Variants in LDB2 observed in about 807,000 individuals in gnomAD.
LDB2 encodes the protein LIM domain-binding protein 2.
Under a neutral mutation model 44.3 loss-of-function variants are expected in LDB2, and 12 were observed. That is an observed-to-expected ratio of 0.27 (90% CI 0.17 to 0.44). The LOEUF (loss-of-function observed/expected upper bound fraction) is 0.44. Ranked by LOEUF, LDB2 falls within the 20% of genes least tolerant of loss-of-function variation. The pLI, the probability that LDB2 is intolerant of heterozygous loss-of-function variation, is 1.00. For synonymous variants in LDB2, 164 were observed against 174.8 expected (o/e 0.94, Z 0.49); for missense variants, 344 against 473.5 (o/e 0.73, Z 2.54).
chr4:16,894,635 C>T (rs910973873), intron 1 of LDB2, among the ~76,000 whole-genome samples: 5 of 152,064 alleles, frequency 3.3e-5, no homozygotes, highest in African/African-American at 1.2e-4. Context: ...GAGATGAACA[C>T]TTTAGGGAGA....
At chr4:16,711,153 G>A (rs1483064392) in intron 2 of LDB2, among the ~76,000 whole-genome samples, 1 of 152,216 alleles carries the variant, frequency 6.6e-6, no homozygotes. Flanking sequence ...TACAGCAAAA[G>A]TACTTCTAGG....
chr4:16,588,435 G>A (rs757656334), intron 4 of LDB2, among the ~76,000 whole-genome samples: 3 of 152,090 alleles, frequency 2.0e-5, no homozygotes, highest in Non-Finnish European at 4.4e-5. Context: ...TTTAAGAAAA[G>A]TACAAACTGT....
intron 2 of LDB2, among the ~76,000 whole-genome samples, chr4:16,653,228 C>T (rs1360991407): frequency 6.6e-6 from 1 of 152,124 alleles, no homozygotes; most frequent in African/African-American, 2.4e-5. Context: ...TCCTGACTTG[C>T]ACCCTCTTTT....
intron 2 of LDB2, among the ~76,000 whole-genome samples, chr4:16,694,590 C>G (rs1751652062): frequency 6.6e-6 from 1 of 152,238 alleles, no homozygotes; most frequent in Non-Finnish European, 1.5e-5. Flanking sequence ...AGGCCTTCTT[C>G]CCTCCCAGCC....
At chr4:16,820,300 TA>T (rs1166389440) in intron 1 of LDB2, among the ~76,000 whole-genome samples, 1 of 152,198 alleles carries the variant, frequency 6.6e-6, no homozygotes, top group Non-Finnish European at 1.5e-5. Context: ...TATTCAAAAA[TA>T]TTTATTGGGG....
At chr4:16,654,818 G>A (rs1418289685) in intron 2 of LDB2, among the ~76,000 whole-genome samples, 2 of 151,948 alleles carry the variant, frequency 1.3e-5, no homozygotes, top group African/African-American at 4.8e-5. Flanking sequence ...CGTTTTTAAG[G>A]GTTACTTTTA....
intron 3 of LDB2, among the ~76,000 whole-genome samples, chr4:16,594,133 T>C (rs920415771): frequency 1.3e-5 from 2 of 152,008 alleles, no homozygotes; most frequent in African/African-American, 2.4e-5. Context: ...TATGTTTCTC[T>C]TGAATTACCT....
At chr4:16,722,449 T>A (rs1303648292) in intron 2 of LDB2, among the ~76,000 whole-genome samples, 1 of 152,182 alleles carries the variant, frequency 6.6e-6, no homozygotes. Context: ...GCTCCTTTTT[T>A]TCTGTGATTC....
At chr4:16,693,774 G>A (rs1053057699) in intron 2 of LDB2, among the ~76,000 whole-genome samples, 1 of 152,186 alleles carries the variant, frequency 6.6e-6, no homozygotes, top group Non-Finnish European at 1.5e-5. Flanking sequence ...GCACTTCCCT[G>A]CAAATACACA....
intron 4 of LDB2, among the ~76,000 whole-genome samples, chr4:16,586,546 CACACATAT>C (rs1560554879): frequency 1.8e-4 from 24 of 136,050 alleles, no homozygotes; most frequent in African/African-American, 5.2e-4. Context: ...CACACACACA[CACACATAT>C]ATATGGAGAG....
intron 2 of LDB2, among the ~76,000 whole-genome samples, 195 bp downstream of exon 2, chr4:16,758,963 A>T (rs2109204868): frequency 6.6e-6 from 1 of 152,250 alleles, no homozygotes; most frequent in Admixed American, 6.5e-5. Flanking sequence ...CAAACATTCT[A>T]AGCCTCGAAG....
intron 1 of LDB2, among the ~76,000 whole-genome samples, chr4:16,819,476 A>G (rs1781562166): frequency 6.6e-6 from 1 of 151,004 alleles, no homozygotes; most frequent in African/African-American, 2.4e-5. Context: ...AAAAAAAAAA[A>G]AAAAGAAATT....
chr4:16,555,111 T>G (rs1739063050), intron 5 of LDB2, among the ~76,000 whole-genome samples: 1 of 104,104 alleles, frequency 9.6e-6, no homozygotes, highest in Non-Finnish European at 2.0e-5. Context: ...TTTTTTTTTT[T>G]GAAGTTAATA....
At chr4:16,674,105 G>A (rs1021926199) in intron 2 of LDB2, 2 of 543,342 alleles carry the variant, frequency 3.7e-6, no homozygotes, top group African/African-American at 2.0e-5. Flanking sequence ...TGCTGGGGAA[G>A]GAAGTTGGAA....
intron 2 of LDB2, among the ~76,000 whole-genome samples, chr4:16,664,085 G>A (rs1301576752): frequency 6.6e-6 from 1 of 152,152 alleles, no homozygotes; most frequent in African/African-American, 2.4e-5. Context: ...CTGAAGGTCT[G>A]TGTCCCCCAA....
At chr4:16,728,524 AT>A (rs1426986349) in intron 2 of LDB2, among the ~76,000 whole-genome samples, 3 of 152,198 alleles carry the variant, frequency 2.0e-5, no homozygotes, top group Admixed American at 2.0e-4. Context: ...AAAAAGGATT[AT>A]TTTTTGCTTA....
chr4:16,697,328 G>A (rs965178891), intron 2 of LDB2, among the ~76,000 whole-genome samples: 2 of 149,366 alleles, frequency 1.3e-5, no homozygotes, highest in African/African-American at 5.0e-5. Flanking sequence ...GGTGGTGGGC[G>A]CCTGTAGTCC....
At chr4:16,879,446 G>A (rs1719410786) in intron 1 of LDB2, among the ~76,000 whole-genome samples, 1 of 152,186 alleles carries the variant, frequency 6.6e-6, no homozygotes, top group African/African-American at 2.4e-5. Flanking sequence ...AAAGCACACA[G>A]CCCTCCCCAG....
At chr4:16,790,344 C>T (rs913905157) in intron 1 of LDB2, among the ~76,000 whole-genome samples, 1 of 152,142 alleles carries the variant, frequency 6.6e-6, no homozygotes, top group Non-Finnish European at 1.5e-5. Context: ...CATATAAGGA[C>T]ATTTCAGTCA....
Sources: allele counts gnomAD v4.1 joint callset (sites outside exome capture counted in the v4.1 genomes callset), GRCh38; gene constraint gnomAD v4.1.1; transcripts MANE v1.5; gene names NCBI Gene and HGNC (gene_info 2026-07-23, HGNC 2026-07-21).